The following ABCG5 variants were observed in gnomAD, a reference collection of about 807,000 sequenced individuals.
ABCG5 encodes ATP binding cassette subfamily G member 5.
In ABCG5, 64 loss-of-function variants were observed where a neutral mutation model predicts 64.5. The observed-to-expected ratio is 0.99, with a 90% confidence interval of 0.81 to 1.22. The LOEUF (loss-of-function observed/expected upper bound fraction) is 1.22. Among genes scored for constraint, ABCG5 ranks in the 50% most tolerant of loss-of-function variants. The pLI, the probability that ABCG5 is intolerant of heterozygous loss-of-function variation, is 0.00. For synonymous variants in ABCG5, 385 were observed against 326.3 expected (o/e 1.18, Z -1.94); for missense variants, 908 against 829.5 (o/e 1.09, Z -1.16).
chr2:43,819,929 T>C lies in ABCG5; in HGVS notation c.1635A>G (p.Gly545=), dbSNP rs759123861. 5 of 1,614,134 alleles carry C rather than the reference T, an allele frequency of 3.1e-6. No homozygotes were observed. The Admixed American group carries it at 5.0e-5, about 16-fold the overall frequency. Residue 545 remains glycine, a synonymous_variant, in exon 11 of 13, where the codon GGA becomes GGG. Transcript: ENST00000405322. ...TGATATCTTACCTGAGGAATCCAGA[T>C]CCAACAAGCACCCCCGCAATGGACA... The part of the protein sequence containing the change: ...ALLSIAGVLV[G]SGFLRNIQEM...
At chr2:43,810,094 G>A, downstream of ABCG5, 4 of 541,818 alleles carry the variant, frequency 7.4e-6, no homozygotes, top group Non-Finnish European at 9.6e-6. Flanking sequence ...AGAGTATTTG[G>A]TTACAGTTTT....
chr2:43,824,384 G>A lies in ABCG5; in HGVS notation c.953C>T (p.Thr318Ile). The A allele has an allele frequency of 6.2e-7, 1 of 1,614,134 alleles. No individual in the cohort carries two copies. ...DTQSKEREIE[T>I]SKRVQMIESA... ...TTCTATCATCTGGACTCTCTTGGAG[G>A]TTTCTATTTCCCGTTCCTTGCTTTG... is the stretch of plus-strand genomic sequence containing the variant. Residue 318 changes from threonine (T) to isoleucine (I), a missense_variant, in exon 8 of 13, where the codon ACC becomes ATC. By Grantham distance (89) the Thr-to-Ile change is moderately conservative (BLOSUM62 -1). Transcript: ENST00000405322.
At chr2:43,810,871 C>T (rs75802178), downstream of ABCG5, among the ~76,000 whole-genome samples, 444 of 152,276 alleles carry the variant, frequency 2.9e-3, 1 homozygote, top group Non-Finnish European at 5.5e-3. Context: ...GAAGAAACAG[C>T]CTATTCCACA....
In ABCG5 at chr2:43,813,313, T is replaced by C; in HGVS notation, c.1763-4A>G. ...GTCACAGAAACATTTGAGCTGCCTG[T>C]CAAGGAAAAGATTGACAGTGTCAGG... On this transcript the variant is annotated splice_region_variant and splice_polypyrimidine_tract_variant and intron_variant, in intron 12 of 12. Transcript: ENST00000405322. The C allele has an allele frequency of 6.2e-7, 1 of 1,604,872 alleles. No homozygotes were observed. Among genetic ancestry groups the C allele is most frequent in the African/African-American group, 1.3e-5 (1 of 74,804 alleles).
intron 1 of ABCG5, 40 bp from the exon 2 acceptor site, chr2:43,837,995 C>T (rs549744824): frequency 3.1e-6 from 5 of 1,612,538 alleles, no homozygotes; most frequent in East Asian, 2.2e-5. Flanking sequence ...CAGCTTGGGG[C>T]CCTGGAAGGG....
chr2:43,835,513 G>A, intron 2 of ABCG5, among the ~76,000 whole-genome samples: 1 of 152,118 alleles, frequency 6.6e-6, no homozygotes, highest in East Asian at 1.9e-4. Flanking sequence ...CTAGATGTTG[G>A]TTAAAAATGG....
intron 6 of ABCG5, among the ~76,000 whole-genome samples, chr2:43,825,774 CA>C (rs1436631459): frequency 2.6e-5 from 4 of 152,044 alleles, no homozygotes; most frequent in Non-Finnish European, 5.9e-5. Context: ...GCCCAACTAT[CA>C]ATTTTGAATC....
chr2:43,823,903 G>A lies in ABCG5; in HGVS notation c.1324+10C>T, dbSNP rs1667415781. On this transcript the variant is annotated intron_variant, in intron 9 of 12. Coordinates refer to ENST00000405322, the MANE Select transcript of ABCG5 (RefSeq NM_022436.3). ...AGAAAGAGGTGCACCTCCAGCACGT[G>A]GGCACTTACACAGATTCACAGCGTT... The A allele has an allele frequency of 1.2e-6, 2 of 1,613,100 alleles. No homozygotes were observed. Among genetic ancestry groups the A allele is most frequent in the Non-Finnish European group, 1.7e-6 (2 of 1,179,222 alleles).
At chr2:43,837,726 C>T in intron 2 of ABCG5, 108 bp downstream of exon 2, 4 of 1,431,368 alleles carry the variant, frequency 2.8e-6, no homozygotes, top group Non-Finnish European at 9.8e-7. Context: ...CAATAGAATT[C>T]ATTCTAATAT....
intron 9 of ABCG5, 99 bp downstream of exon 9, chr2:43,823,814 G>A: frequency 7.1e-7 from 1 of 1,415,884 alleles, no homozygotes; most frequent in Non-Finnish European, 9.6e-7. Flanking sequence ...GTTTAGCTCA[G>A]AGAAAAACCC....
rs2104898585 is a variant in ABCG5 at position 43,838,477 on chromosome 2, G to A, written c.143+60C>T. Reference sequence around the variant, plus strand: ...TTAAAGAGTGAAGAAAGGCAGCAGAGGGGTGAGCGCCGGGCCCCGCACTCC... The same window carrying A: ...TTAAAGAGTGAAGAAAGGCAGCAGAAGGGTGAGCGCCGGGCCCCGCACTCC... On this transcript the variant is annotated intron_variant, in intron 1 of 12. Coordinates refer to ENST00000405322, the MANE Select transcript of ABCG5 (RefSeq NM_022436.3). This position sits in a 1 kb window ranked among gnomAD's most constrained non-coding sequence, Gnocchi z 4.2. The A allele has an allele frequency of 2.7e-6, 4 of 1,497,226 alleles. No homozygotes were observed. Among genetic ancestry groups the A allele is most frequent in the East Asian group, 2.4e-5 (1 of 41,094 alleles). The allele number at this position is 1,497,226 out of a possible 1,614,324, so 92.7% of individuals were successfully genotyped here.
chr2:43,837,649 T>G (rs912241339), intron 2 of ABCG5, among the ~76,000 whole-genome samples, 185 bp downstream of exon 2: 1 of 152,206 alleles, frequency 6.6e-6, no homozygotes, highest in Non-Finnish European at 1.5e-5. Flanking sequence ...TAGGCAGAAT[T>G]TTATACTCTT....
In ABCG5 at chr2:43,832,025, G is replaced by A; in HGVS notation, c.324C>T (p.Thr108=). The A allele has an allele frequency of 6.4e-7, 1 of 1,572,750 alleles. No individual in the cohort carries two copies. The highest frequency in any genetic ancestry group is 8.6e-7 in the Non-Finnish European group (1 of 1,159,362). Residue 108 remains threonine (T), a synonymous_variant, in exon 3 of 13, where the codon ACC becomes ACT. Transcript: ENST00000405322. ...AMSGRLGRAG[T]FLGEVYVNGR... ...CGTTCACATACACCTCCCCCAGGAA[G>A]GTCCCCGCGCGCCCCAGCCTCCCGG...
At chr2:43,809,996 A>G (rs1054365484), downstream of ABCG5, 2 of 1,181,706 alleles carry the variant, frequency 1.7e-6, no homozygotes, top group African/African-American at 1.6e-5. Flanking sequence ...AGAATCTTCT[A>G]CTACCTACCT....
rs182201537 is a variant in ABCG5 at position 43,836,202 on chromosome 2, A to G, written c.265+1632T>C. Reference sequence around the variant, plus strand: ...GTGATCCGCCCGCCTCTGCCTCCCAAAGTGCTGGGATTACAAGCATGAGCC... The same window carrying G: ...GTGATCCGCCCGCCTCTGCCTCCCAGAGTGCTGGGATTACAAGCATGAGCC... On this transcript the variant is annotated intron_variant, in intron 2 of 12. Coordinates refer to ENST00000405322, the MANE Select transcript of ABCG5 (RefSeq NM_022436.3). 7.9e-3 allele frequency among the ~76,000 whole-genome samples: 1,205 copies of G among 152,022 alleles called. 13 individuals are homozygous for G. Among genetic ancestry groups the G allele is most frequent in the Non-Finnish European group, 0.013 (861 of 67,954 alleles).
chr2:43,807,815 C>T (rs972530200), downstream of ABCG5, among the ~76,000 whole-genome samples: 17 of 149,236 alleles, frequency 1.1e-4, no homozygotes, highest in Admixed American at 1.1e-3. Context: ...CTTGGCCAAC[C>T]ACAGTTATCT....
At chr2:43,832,305 T>G in intron 2 of ABCG5, 1 of 619,762 alleles carries the variant, frequency 1.6e-6, no homozygotes, top group Non-Finnish European at 2.8e-6. Flanking sequence ...GATTGTCCCC[T>G]GAGTGAGAGG....
chr2:43,835,167 G>A (rs1668184771), intron 2 of ABCG5, among the ~76,000 whole-genome samples: 1 of 152,118 alleles, frequency 6.6e-6, no homozygotes, highest in Non-Finnish European at 1.5e-5. Flanking sequence ...CATCTCATCA[G>A]AAATCAGCCC....
At chr2:43,837,028 C>CA (rs1558776848) in intron 2 of ABCG5, among the ~76,000 whole-genome samples, 1 of 95,642 alleles carries the variant, frequency 1.0e-5, no homozygotes, top group Admixed American at 1.1e-4. Context: ...GACTCTGTCT[C>CA]AAAAAAGAAA....
Sources: gnomAD v4.1 joint callset for allele counts (sites outside exome capture counted in the v4.1 genomes callset) on GRCh38, gnomAD v4.1.1 for gene constraint, Gnocchi (gnomAD v3.1) non-coding constraint, MANE v1.5 for transcripts, NCBI Gene and HGNC (gene_info 2026-07-23, HGNC 2026-07-21) for gene names.